CHCHD6: variants seen among roughly 807,000 people sequenced by gnomAD.
CHCHD6 encodes the protein coiled-coil-helix-coiled-coil-helix domain containing 6, also known as MICOS complex subunit MIC25.
A neutral mutation model predicts 32.3 loss-of-function variants in CHCHD6; 28 were observed. The observed-to-expected ratio is 0.87, with a 90% CI of 0.64 to 1.19. The LOEUF (loss-of-function observed/expected upper bound fraction) is 1.19. CHCHD6 is among the 50% of genes most tolerant of loss of function. The pLI, the probability that CHCHD6 is intolerant of heterozygous loss-of-function variation, is 0.00. For missense variants in CHCHD6, 333 were observed against 307.0 expected (o/e 1.08, Z -0.63); for synonymous variants, 122 against 117.5 (o/e 1.04, Z -0.25).
intron 4 of CHCHD6, among the ~76,000 whole-genome samples, chr3:126,765,192 C>T (rs1332036719): frequency 6.6e-6 from 1 of 152,224 alleles, no homozygotes; most frequent in Admixed American, 6.5e-5. Context: ...CCAGTTCTCA[C>T]ATTTAAGTTC....
At chr3:126,761,155 A>G (rs1379612799) in intron 4 of CHCHD6, among the ~76,000 whole-genome samples, 1 of 152,198 alleles carries the variant, frequency 6.6e-6, no homozygotes, top group African/African-American at 2.4e-5. Context: ...ACACACCCCC[A>G]TAAGTAAAAT....
At chr3:126,851,891 G>A (rs896749417) in intron 4 of CHCHD6, among the ~76,000 whole-genome samples, 12 of 152,168 alleles carry the variant, frequency 7.9e-5, no homozygotes, top group East Asian at 5.8e-4. Flanking sequence ...GTTCAAGGTC[G>A]CCTAGCTAAT....
intron 4 of CHCHD6, among the ~76,000 whole-genome samples, chr3:126,769,889 T>A (rs1937513178): frequency 6.6e-6 from 1 of 152,212 alleles, no homozygotes; most frequent in South Asian, 2.1e-4. Context: ...GGTAATTTGA[T>A]AGGAATAGCA....
At chr3:126,769,918 T>C (rs536128812) in intron 4 of CHCHD6, among the ~76,000 whole-genome samples, 1 of 152,222 alleles carries the variant, frequency 6.6e-6, no homozygotes, top group African/African-American at 2.4e-5. Flanking sequence ...GTAAATTGCT[T>C]TGTGCTGTAT....
chr3:126,956,179 A>G (rs761499496), intron 6 of CHCHD6, among the ~76,000 whole-genome samples: 2 of 152,204 alleles, frequency 1.3e-5, no homozygotes, highest in Admixed American at 6.5e-5. Flanking sequence ...GAGCTGTGGC[A>G]TGTGTGACAG....
intron 4 of CHCHD6, among the ~76,000 whole-genome samples, chr3:126,824,978 T>G (rs369354389): frequency 7.2e-5 from 11 of 152,358 alleles, no homozygotes; most frequent in African/African-American, 2.6e-4. Flanking sequence ...ATTATTTTGC[T>G]GTTCTTTTTC....
chr3:126,895,752 C>G (rs1330953884), intron 5 of CHCHD6, among the ~76,000 whole-genome samples: 4 of 152,204 alleles, frequency 2.6e-5, no homozygotes, highest in African/African-American at 9.6e-5. Flanking sequence ...GACCCCATCC[C>G]CCACCCCTTC....
At chr3:126,798,213 G>A (rs1318311139) in intron 4 of CHCHD6, among the ~76,000 whole-genome samples, 3 of 152,138 alleles carry the variant, frequency 2.0e-5, no homozygotes, top group African/African-American at 7.2e-5. Flanking sequence ...GGTGTGAGAG[G>A]AGTGCTGAGT....
intron 5 of CHCHD6, among the ~76,000 whole-genome samples, chr3:126,911,607 A>G (rs1031086090): frequency 2.0e-5 from 3 of 152,196 alleles, no homozygotes; most frequent in African/African-American, 2.4e-5. Flanking sequence ...CTGAGAAACA[A>G]TAGAGGAAGC....
At chr3:126,720,218 T>G (rs1935216219) in intron 1 of CHCHD6, among the ~76,000 whole-genome samples, 1 of 152,102 alleles carries the variant, frequency 6.6e-6, no homozygotes, top group Admixed American at 6.5e-5. Flanking sequence ...GTCTTCCTGG[T>G]CACGCAGCCC....
chr3:126,932,762 G>A (rs534121311), intron 6 of CHCHD6, among the ~76,000 whole-genome samples: 11 of 152,338 alleles, frequency 7.2e-5, no homozygotes, highest in African/African-American at 1.4e-4. Flanking sequence ...TGACCAGATC[G>A]GGCTGACACA....
At chr3:126,880,862 G>T (rs148570802) in intron 5 of CHCHD6, among the ~76,000 whole-genome samples, 56 of 152,306 alleles carry the variant, frequency 3.7e-4, no homozygotes, top group African/African-American at 1.3e-3. Context: ...AATGATCAAA[G>T]GTTCCTTGCC....
intron 6 of CHCHD6, among the ~76,000 whole-genome samples, chr3:126,917,146 A>T (rs989163295): frequency 1.1e-4 from 16 of 152,260 alleles, no homozygotes; most frequent in African/African-American, 3.6e-4. Flanking sequence ...GTGAAGCCTA[A>T]GGTTTTTTTG....
chr3:126,727,034 T>C lies in CHCHD6; in HGVS notation c.88-44T>C, dbSNP rs199550221. On this transcript the variant is annotated intron_variant, in intron 1 of 7. Transcript: ENST00000290913. ...AGAGGAGGCTTTGCTTCCAGGCACT[T>C]CTGTGACATAACTTTTTCTTTTCCC... 3.5e-6 allele frequency: 5 copies of C among 1,412,438 alleles called. No homozygotes were observed. The East Asian group carries it at 1.1e-4, about 32-fold the overall frequency. The allele number at this position is 1,412,438 out of a possible 1,614,324, so 87.5% of individuals were successfully genotyped here. A position where few individuals can be genotyped will look rare whatever the true frequency, so the allele number is the denominator to read the frequency against.
chr3:126,925,221 G>A (rs2078305842), intron 6 of CHCHD6, among the ~76,000 whole-genome samples: 1 of 152,194 alleles, frequency 6.6e-6, no homozygotes, highest in Non-Finnish European at 1.5e-5. Context: ...CAGGCAGGCA[G>A]TAGACAGATT....
intron 4 of CHCHD6, among the ~76,000 whole-genome samples, chr3:126,830,661 G>C (rs181485989): frequency 3.9e-5 from 6 of 152,324 alleles, no homozygotes; most frequent in Admixed American, 2.6e-4. Context: ...ATTGTGTCTT[G>C]TCTAAACCAT....
chr3:126,722,113 A>G (rs1266297934), intron 1 of CHCHD6, among the ~76,000 whole-genome samples: 1 of 152,084 alleles, frequency 6.6e-6, no homozygotes, highest in African/African-American at 2.4e-5. Context: ...TCAAGTGGTA[A>G]CTCTCCATAT....
intron 1 of CHCHD6, 38 bp downstream of exon 1, chr3:126,704,437 C>T: frequency 7.3e-7 from 1 of 1,368,938 alleles, no homozygotes; most frequent in Non-Finnish European, 9.6e-7. Flanking sequence ...GGCGTGGAGG[C>T]CGCGGGCGCG....
chr3:126,751,503 CAAAA>C (rs774893414), intron 4 of CHCHD6, among the ~76,000 whole-genome samples: 107 of 71,746 alleles, frequency 1.5e-3, no homozygotes, highest in Non-Finnish European at 2.1e-3. Context: ...GACCCTGTCT[CAAAA>C]AAAAAAAAAA....
Sources: gnomAD v4.1 joint callset for allele counts (sites outside exome capture counted in the v4.1 genomes callset) on GRCh38, gnomAD v4.1.1 for gene constraint, MANE v1.5 for transcripts, NCBI Gene and HGNC (gene_info 2026-07-23, HGNC 2026-07-21) for gene names.